Variants in ZNF845 observed in about 807,000 individuals in gnomAD.
ZNF845 encodes the protein zinc finger protein 845.
In ZNF845, 59 loss-of-function variants were observed where a neutral mutation model predicts 76.1. The ratio of observed to expected loss-of-function variants is 0.78; its 90% CI spans 0.63 to 0.96. ZNF845 has a LOEUF of 0.96. ZNF845 is among the 40% of genes least tolerant of loss of function. The probability of loss-of-function intolerance (pLI) is 0.00; values close to 1 mark genes in which losing one functional copy is unlikely to be tolerated. For missense variants in ZNF845, 1,045 were observed against 1,172.8 expected (o/e 0.89, Z 1.59); for synonymous variants, 361 against 386.9 (o/e 0.93, Z 0.78).
At chr19:53,337,825 C>T (rs1455488275) in intron 1 of ZNF845, among the ~76,000 whole-genome samples, 1 of 151,402 alleles carries the variant, frequency 6.6e-6, no homozygotes, top group Admixed American at 6.6e-5. Context: ...CTTGGCCTCC[C>T]AGAGTGCTAG....
At chr19:53,349,618 A>G (rs1166565766) in intron 3 of ZNF845, among the ~76,000 whole-genome samples, 1 of 152,046 alleles carries the variant, frequency 6.6e-6, no homozygotes, top group Non-Finnish European at 1.5e-5. Context: ...GGCTGTATAA[A>G]TGTACTTATT....
intron 1 of ZNF845, among the ~76,000 whole-genome samples, chr19:53,340,299 G>A (rs549197971): frequency 1.5e-4 from 23 of 152,290 alleles, no homozygotes; most frequent in African/African-American, 4.8e-4. Flanking sequence ...TGATCTGTCC[G>A]CTTTGGCCTC....
intron 1 of ZNF845, among the ~76,000 whole-genome samples, chr19:53,336,919 A>C (rs2147029069): frequency 6.6e-6 from 1 of 152,342 alleles, no homozygotes; most frequent in Non-Finnish European, 1.5e-5. Flanking sequence ...ATGTAGTTTA[A>C]CGAGTTAGCC....
chr19:53,352,277 G>A lies in ZNF845; in HGVS notation c.1602G>A (p.Arg534=). The A allele has an allele frequency of 1.9e-6, 3 of 1,613,868 alleles. No individual in the cohort carries two copies. The highest frequency in any genetic ancestry group is 1.3e-5 in the African/African-American group (1 of 74,960). ...ATGAATGTGGCAAGACCTTTAGTCGGAAGTCATCCCTTACACGCCATTGTA... is the reference window on the plus strand; with the variant it reads ...ATGAATGTGGCAAGACCTTTAGTCGAAAGTCATCCCTTACACGCCATTGTA... ...KCNECGKTFS[R]KSSLTRHCRL... The change falls in exon 4 of 4, where the codon CGG becomes CGA. Residue 534 remains arginine (R), a synonymous_variant. Coordinates refer to ENST00000458035, the MANE Select transcript of ZNF845 (RefSeq NM_138374.3).
intron 1 of ZNF845, among the ~76,000 whole-genome samples, chr19:53,336,444 A>G (rs1293333553): frequency 6.6e-6 from 1 of 152,114 alleles, no homozygotes; most frequent in Non-Finnish European, 1.5e-5. Context: ...TGGGAGGTAG[A>G]GGTTGCAGTG....
chr19:53,333,928 G>C (rs1396234973), intron 1 of ZNF845, 136 bp downstream of exon 1: 2 of 154,514 alleles, frequency 1.3e-5, no homozygotes, highest in East Asian at 3.8e-4. Context: ...AGACGTCCTC[G>C]TCAGAGTCCA....
rs2147052248 is a variant in ZNF845, at chr19:53,355,115, T to G, written c.*1527T>G. 6.6e-6 allele frequency: 1 copy of G among 152,202 alleles called. No individual in the cohort carries two copies. Among genetic ancestry groups the G allele is most frequent in the Admixed American group, 6.5e-5 (1 of 15,274 alleles). The allele number at this position is 152,202 out of a possible 1,614,324, so 9.4% of individuals were successfully genotyped here. A position where few individuals can be genotyped will look rare whatever the true frequency, so the allele number is the denominator to read the frequency against. On this transcript the variant is annotated 3_prime_UTR_variant, in exon 4 of 4. Transcript: ENST00000458035. Reference sequence around the variant, plus strand: ...TTAGTAGAGACGGGGTTTCACCATGTTGACCAGGTTTTTCTTGAACTCCTG... The same window carrying G: ...TTAGTAGAGACGGGGTTTCACCATGGTGACCAGGTTTTTCTTGAACTCCTG...
Position 53,352,566 on chromosome 19 carries a change from G to A in ZNF845, c.1891G>A (p.Gly631Arg), listed in dbSNP as rs1271083345. 2.5e-6 allele frequency: 4 copies of A among 1,609,488 alleles called. No homozygotes were observed. In the East Asian group the frequency reaches 9.0e-5, roughly 36 times the overall value. ...YLAVHWRTHS[G>R]EKPYKCEECD... is the part of the protein sequence containing the mutation. ...TGCAGTTCATTGGCGAACTCATAGT[G>A]GAGAGAAACCTTACAAATGTGAAGA... The change falls in exon 4 of 4, where the codon GGA (glycine) becomes AGA (arginine). Residue 631 changes from glycine to arginine, a missense_variant. Coordinates refer to ENST00000458035, the MANE Select transcript of ZNF845 (RefSeq NM_138374.3).
chr19:53,336,847 T>G (rs1398895305), intron 1 of ZNF845, among the ~76,000 whole-genome samples: 1 of 152,246 alleles, frequency 6.6e-6, no homozygotes, highest in Non-Finnish European at 1.5e-5. Context: ...TTGCGTCCAG[T>G]TCAGATCGAG....
Position 53,354,050 on chromosome 19 carries a change from G to A in ZNF845, c.*462G>A. The stretch of plus-strand genomic sequence containing the variant: ...GGTCTTCAGTCTAGCTTCATCTTAT[G>A]CAAAACAGGAGACTTCATACAGGAG... On this transcript the variant is annotated 3_prime_UTR_variant, in exon 4 of 4. Transcript: ENST00000458035. The A allele has an allele frequency of 4.2e-6, 2 of 476,918 alleles. No homozygotes were observed. The highest frequency in any genetic ancestry group is 3.5e-5 in the South Asian group (2 of 57,722). The allele number at this position is 476,918 out of a possible 1,614,324, so 29.5% of individuals were successfully genotyped here.
In ZNF845 at chr19:53,351,912, T is replaced by C. The variant is rs1319348991; in HGVS notation, c.1237T>C (p.Cys413Arg). ...TCATACTGGAGAGAAACCTTATAAG[T>C]GTAATGATTGTGGCAAGACCTTCAG... Reference protein sequence around the residue: ...RLHTGEKPYKCNDCGKTFSQM... With the variant: ...RLHTGEKPYKRNDCGKTFSQM... The change falls in exon 4 of 4, where the codon TGT becomes CGT. Residue 413 changes from cysteine to arginine, a missense_variant. Physicochemically the swap from Cys to Arg is radical, Grantham distance 180. Transcript: ENST00000458035. 6.2e-7 allele frequency: 1 copy of C among 1,613,666 alleles called. No individual in the cohort carries two copies. Among genetic ancestry groups the C allele is most frequent in the African/African-American group, 1.3e-5 (1 of 74,812 alleles).
chr19:53,338,689 C>T (rs1004969492), intron 1 of ZNF845, among the ~76,000 whole-genome samples: 8 of 119,254 alleles, frequency 6.7e-5, no homozygotes, highest in Admixed American at 6.2e-4. Flanking sequence ...TGTCACAACA[C>T]GTGAGCACAC....
Position 53,350,982 on chromosome 19 carries a change from G to C in ZNF845, c.307G>C (p.Glu103Gln). 1.2e-6 allele frequency: 2 copies of C among 1,614,142 alleles called. No homozygotes were observed. The highest frequency in any genetic ancestry group is 1.7e-6 in the Non-Finnish European group (2 of 1,180,028). ...DIHDFEFQWK[E>Q]DERNSHEAPM... ...TCATGATTTTGAGTTTCAGTGGAAAGAAGATGAAAGAAATAGCCATGAAGC... is the reference window on the plus strand; with the variant it reads ...TCATGATTTTGAGTTTCAGTGGAAACAAGATGAAAGAAATAGCCATGAAGC... The change falls in exon 4 of 4, where the codon GAA becomes CAA. Residue 103 changes from glutamate to glutamine, a missense_variant. Physicochemically the swap from Glu to Gln is conservative, Grantham distance 29 (BLOSUM62 2). Coordinates refer to ENST00000458035, the MANE Select transcript of ZNF845 (RefSeq NM_138374.3).
chr19:53,352,410 T>C lies in ZNF845; in HGVS notation c.1735T>C (p.Tyr579His). ...HQAIHGIGKL[Y>H]KCNDCHQVFS... ...AGCAATCCATGGTATAGGGAAACTT[T>C]ACAAATGTAATGATTGTCACCAAGT... is the stretch of plus-strand genomic sequence containing the variant. The change falls in exon 4 of 4, where the codon TAC becomes CAC. Residue 579 changes from tyrosine to histidine, a missense_variant. Coordinates refer to ENST00000458035, the MANE Select transcript of ZNF845 (RefSeq NM_138374.3). 2 of 1,613,958 alleles carry C rather than the reference T, an allele frequency of 1.2e-6. No homozygotes were observed. The highest frequency in any genetic ancestry group is 1.7e-6 in the Non-Finnish European group (2 of 1,179,862).
intron 1 of ZNF845, among the ~76,000 whole-genome samples, chr19:53,334,734 C>CG (rs1313887512): frequency 3.5e-5 from 4 of 114,016 alleles, no homozygotes; most frequent in Non-Finnish European, 7.4e-5. Flanking sequence ...GACCCCCCCC[C>CG]CCATCTCTGT....
In ZNF845 at chr19:53,352,549, A is replaced by C; in HGVS notation, c.1874A>C (p.His625Pro). 1 of 1,608,258 alleles carries C rather than the reference A, an allele frequency of 6.2e-7. No individual in the cohort carries two copies. The highest frequency in any genetic ancestry group is 8.5e-7 in the Non-Finnish European group (1 of 1,177,018). The change falls in exon 4 of 4, where the codon CAT (histidine) becomes CCT (proline). Residue 625 changes from histidine (H) to proline (P), a missense_variant. Physicochemically the swap from His to Pro is moderately conservative, Grantham distance 77. Transcript: ENST00000458035. ...AGACATCGTTCATACCTTGCAGTTC[A>C]TTGGCGAACTCATAGTGGAGAGAAA... Reference protein sequence around the residue: ...FFRHRSYLAVHWRTHSGEKPY... With the variant: ...FFRHRSYLAVPWRTHSGEKPY...
At chr19:53,334,896 C>T (rs1277342933) in intron 1 of ZNF845, among the ~76,000 whole-genome samples, 1 of 152,082 alleles carries the variant, frequency 6.6e-6, no homozygotes, top group Admixed American at 6.5e-5. Context: ...GTCAACAGAG[C>T]AGAGCCTGTC....
At chr19:53,341,394 C>T in intron 2 of ZNF845, 72 bp downstream of exon 2, 2 of 1,602,796 alleles carry the variant, frequency 1.2e-6, no homozygotes, top group Non-Finnish European at 8.5e-7. Context: ...AGTTGGGAAT[C>T]TTCTCTGAGT....
intron 3 of ZNF845, among the ~76,000 whole-genome samples, chr19:53,349,523 C>G (rs1372808130): frequency 1.3e-5 from 2 of 152,058 alleles, no homozygotes; most frequent in Non-Finnish European, 2.9e-5. Flanking sequence ...CCGCCTCAGC[C>G]TCCCAAAGTG....
Sources: gnomAD v4.1 joint callset for allele counts (sites outside exome capture counted in the v4.1 genomes callset) on GRCh38, gnomAD v4.1.1 for gene constraint, MANE v1.5 for transcripts, NCBI Gene and HGNC (gene_info 2026-07-23, HGNC 2026-07-21) for gene names.